Variants in UBXN7 observed in about 807,000 individuals in gnomAD.
UBXN7 encodes the protein UBX domain-containing protein 7.
A neutral mutation model predicts 58.0 loss-of-function variants in UBXN7; 9 were observed. The observed-to-expected ratio is 0.16, with a 90% CI of 0.09 to 0.27. UBXN7 has a LOEUF of 0.27. UBXN7 is among the 10% of genes least tolerant of loss of function. UBXN7 has a pLI of 1.00. For synonymous variants in UBXN7, 208 were observed against 205.0 expected, an observed-to-expected ratio of 1.01 and a Z score of -0.12; for missense variants, 328 against 599.6, an observed-to-expected ratio of 0.55 and a Z score of 4.73.
At chr3:196,417,600 C>T (rs1209893809) in intron 1 of UBXN7, among the ~76,000 whole-genome samples, 2 of 151,482 alleles carry the variant, frequency 1.3e-5, no homozygotes, top group African/African-American at 4.8e-5. Flanking sequence ...TCATGAAGTG[C>T]TACCATGAAT....
At chr3:196,422,466 T>C (rs904022063) in intron 1 of UBXN7, among the ~76,000 whole-genome samples, 1 of 150,880 alleles carries the variant, frequency 6.6e-6, no homozygotes, top group East Asian at 1.9e-4. Context: ...GGCAAGAGAA[T>C]GAGATCTTGT....
At chr3:196,386,197 T>C (rs888985427) in intron 5 of UBXN7, among the ~76,000 whole-genome samples, 2 of 151,826 alleles carry the variant, frequency 1.3e-5, no homozygotes, top group Non-Finnish European at 2.9e-5. Flanking sequence ...TTAAGCGTCA[T>C]CACCACTCCC....
intron 1 of UBXN7, among the ~76,000 whole-genome samples, chr3:196,414,872 A>T (rs1730433849): frequency 6.6e-6 from 1 of 152,192 alleles, no homozygotes; most frequent in African/African-American, 2.4e-5. Flanking sequence ...AGTATATACA[A>T]ATTTAACATT....
At chr3:196,394,931 T>C (rs942787372) in intron 3 of UBXN7, among the ~76,000 whole-genome samples, 5 of 152,214 alleles carry the variant, frequency 3.3e-5, no homozygotes, top group Admixed American at 6.5e-5. Context: ...GTAGAGTGTC[T>C]ATTACCCAGT....
At chr3:196,372,558 T>A (rs974613611) in intron 5 of UBXN7, among the ~76,000 whole-genome samples, 5 of 151,980 alleles carry the variant, frequency 3.3e-5, no homozygotes, top group African/African-American at 1.2e-4. Flanking sequence ...GCCAGGCTGG[T>A]CTCGAACTTC....
At chr3:196,371,808 A>T in intron 6 of UBXN7, 88 bp downstream of exon 6, 1 of 1,488,522 alleles carries the variant, frequency 6.7e-7, no homozygotes, top group Non-Finnish European at 9.0e-7. Flanking sequence ...TAAATGTCTT[A>T]ATTCATTATA....
At chr3:196,401,376 G>C (rs7624107) in intron 3 of UBXN7, among the ~76,000 whole-genome samples, 73,437 of 138,526 alleles carry the variant, frequency 0.53, 19,686 homozygotes, top group East Asian at 0.9. Flanking sequence ...TAAATAAAAA[G>C]GTTTATCTCA....
At chr3:196,383,237 G>T (rs974839762) in intron 5 of UBXN7, among the ~76,000 whole-genome samples, 1 of 152,092 alleles carries the variant, frequency 6.6e-6, no homozygotes, top group Admixed American at 6.6e-5. Flanking sequence ...TGGTAAAGGG[G>T]TCAATTCAAC....
chr3:196,401,142 T>C (rs1488466910), intron 3 of UBXN7, among the ~76,000 whole-genome samples: 1 of 147,944 alleles, frequency 6.8e-6, no homozygotes, highest in Non-Finnish European at 1.5e-5. Flanking sequence ...CCGGGTATGG[T>C]GGCTCATGCC....
intron 5 of UBXN7, 90 bp downstream of exon 5, chr3:196,391,723 G>C (rs1203826790): frequency 1.1e-6 from 1 of 950,832 alleles, no homozygotes; most frequent in African/African-American, 1.6e-5. Context: ...GACAGAGCGA[G>C]ACCTGCTCTA....
At position 196,373,026 on chromosome 3, in the gene UBXN7, T is replaced by C. The variant is rs147337182; in HGVS notation, c.469-984A>G. Among the ~76,000 whole-genome samples, 634 of 152,312 alleles carry C rather than the reference T, an allele frequency of 4.2e-3. 5 individuals carry two copies. Among genetic ancestry groups the C allele is most frequent in the African/African-American group, 0.014 (588 of 41,566 alleles). Reference sequence around the variant, plus strand: ...TCAGCCTCCCAAAGTGCTGGGATTATAGGCGTGAGCCACCGCGCCCAGCCA... The same window carrying C: ...TCAGCCTCCCAAAGTGCTGGGATTACAGGCGTGAGCCACCGCGCCCAGCCA... On this transcript the variant is annotated intron_variant, in intron 5 of 10. Transcript: ENST00000296328.
At chr3:196,368,285 T>C in intron 7 of UBXN7, 130 bp from the exon 8 acceptor site, 1 of 868,346 alleles carries the variant, frequency 1.2e-6, no homozygotes, top group Non-Finnish European at 1.6e-6. Flanking sequence ...TTTCAGCATA[T>C]GCATAGATTA....
chr3:196,396,692 G>A (rs1303757900), intron 3 of UBXN7, among the ~76,000 whole-genome samples: 3 of 152,122 alleles, frequency 2.0e-5, no homozygotes, highest in Non-Finnish European at 4.4e-5. Flanking sequence ...GAACCCAGGA[G>A]GTGGAGCTTG....
At chr3:196,405,816 T>C (rs1730145041) in intron 2 of UBXN7, among the ~76,000 whole-genome samples, 1 of 152,196 alleles carries the variant, frequency 6.6e-6, no homozygotes, top group Non-Finnish European at 1.5e-5. Context: ...TTAGGAGCCA[T>C]TATCAAATGT....
intron 1 of UBXN7, among the ~76,000 whole-genome samples, chr3:196,415,909 A>C (rs1196949267): frequency 6.6e-6 from 1 of 152,218 alleles, no homozygotes; most frequent in Non-Finnish European, 1.5e-5. Flanking sequence ...CAATCTGTTA[A>C]CATCTGCGTC....
At chr3:196,388,508 A>G (rs1338764287) in intron 5 of UBXN7, among the ~76,000 whole-genome samples, 1 of 151,796 alleles carries the variant, frequency 6.6e-6, no homozygotes, top group Non-Finnish European at 1.5e-5. Flanking sequence ...ACATGCAGTC[A>G]AACCCTTACT....
chr3:196,382,402 A>T (rs574495635), intron 5 of UBXN7, among the ~76,000 whole-genome samples: 1 of 152,320 alleles, frequency 6.6e-6, no homozygotes, highest in East Asian at 1.9e-4. Flanking sequence ...TTCATAAGTG[A>T]AGGAGAAATA....
rs1338858180 is a variant in UBXN7, at chr3:196,353,745, C to G, written c.*2940G>C. On this transcript the variant is annotated 3_prime_UTR_variant, in exon 11 of 11. Transcript: ENST00000296328. Reference sequence around the variant, plus strand: ...TAGGTGATCTGCCCACCTCCGCCTCCCAAAGTGTTGGGATTACAGGCATGA... The same window carrying G: ...TAGGTGATCTGCCCACCTCCGCCTCGCAAAGTGTTGGGATTACAGGCATGA... The G allele has an allele frequency of 6.6e-6, 1 of 152,150 alleles. No individual in the cohort carries two copies. Among genetic ancestry groups the G allele is most frequent in the African/African-American group, 2.4e-5 (1 of 41,402 alleles). 9.4% of individuals were successfully genotyped at this position (152,150 alleles called of 1,614,324 possible). A position where few individuals can be genotyped will look rare whatever the true frequency, so the allele number is the denominator to read the frequency against.
chr3:196,364,916 T>C (rs1037127777), intron 8 of UBXN7, among the ~76,000 whole-genome samples: 1 of 152,124 alleles, frequency 6.6e-6, no homozygotes, highest in East Asian at 1.9e-4. Flanking sequence ...AAAAAGCAAG[T>C]AGAGGTGTCT....
Sources: allele counts gnomAD v4.1 joint callset (sites outside exome capture counted in the v4.1 genomes callset), GRCh38; gene constraint gnomAD v4.1.1; transcripts MANE v1.5; gene names NCBI Gene and HGNC (gene_info 2026-07-23, HGNC 2026-07-21).